TTN: variants seen among roughly 807,000 people sequenced by gnomAD.
TTN encodes connectin.
TTN carries 1,525 observed loss-of-function variants against 3,223.0 expected under a neutral mutation model. The observed-to-expected ratio is 0.47, with a 90% confidence interval of 0.45 to 0.49. The LOEUF is 0.49. TTN is among the 20% of genes least tolerant of loss of function. TTN has a pLI of 0.00. For missense variants in TTN, 40,786 were observed against 43,424.0 expected (o/e 0.94, Z 5.40); for synonymous variants, 14,094 against 15,161.0 (o/e 0.93, Z 5.17).
intron 68 of TTN, 85 bp downstream of exon 68, chr2:178,727,500 C>G: frequency 6.6e-7 from 1 of 1,507,636 alleles, no homozygotes. Context: ...ATACTACTTT[C>G]TTGATTGTTT....
intron 312 of TTN, 59 bp downstream of exon 312, chr2:178,583,547 GA>G: frequency 7.0e-7 from 1 of 1,422,886 alleles, no homozygotes. Flanking sequence ...TTTTTATTAG[GA>G]AAAATGACCA....
rs2742353 is a variant in TTN, at chr2:178,664,770, T to G, written c.36119-33A>C. On this transcript the variant is annotated intron_variant, in intron 166 of 362. Transcript: ENST00000589042. Reference sequence around the variant, plus strand: ...AAATTAGTAGTTTTATGTTTAGTGTTATGCAGATAACTAGGAATAGCAAAA... The same window carrying G: ...AAATTAGTAGTTTTATGTTTAGTGTGATGCAGATAACTAGGAATAGCAAAA... 0.026 allele frequency: 41,447 copies of G among 1,611,102 alleles called. 745 individuals carry two copies. Among genetic ancestry groups the G allele is most frequent in the East Asian group, 0.092 (4,127 of 44,822 alleles).
chr2:178,545,603 C>T lies in TTN; in HGVS notation c.95507G>A (p.Gly31836Asp). Residue 31836 changes from glycine to aspartate, a missense_variant, in exon 344 of 363, where the codon GGC (glycine) becomes GAC (aspartate). By Grantham distance (94) the Gly-to-Asp change is moderately conservative (BLOSUM62 -1). Coordinates refer to ENST00000589042, the MANE Select transcript of TTN (RefSeq NM_001267550.2). ...TACTAGGTAGTTGCTGATTTCATTG[C>T]CACCATCAGATTCAGGTTTTGTCCA... ...IQWTKPESDG[G>D]NEISNYLVDK... The T allele has an allele frequency of 6.2e-7, 1 of 1,613,754 alleles. No individual in the cohort carries two copies. The highest frequency in any genetic ancestry group is 1.1e-5 in the South Asian group (1 of 91,068).
At position 178,583,085 on chromosome 2, in the gene TTN, T is replaced by C. The variant is rs757700019; in HGVS notation, c.65718A>G (p.Pro21906=). 1.2e-6 allele frequency: 2 copies of C among 1,611,568 alleles called. No individual in the cohort carries two copies. Among genetic ancestry groups the C allele is most frequent in the Non-Finnish European group, 1.7e-6 (2 of 1,178,632 alleles). ...SWKKDGTLLK[P]AEGIKMAMQR... The stretch of plus-strand genomic sequence containing the variant: ...GCATGGCCATCTTTATGCCTTCTGC[T>C]GGTTTTAGCAGTGTGCCATCTTTTT... Residue 21906 remains proline, a synonymous_variant, in exon 313 of 363, where the codon CCA becomes CCG. Coordinates refer to ENST00000589042, the MANE Select transcript of TTN (RefSeq NM_001267550.2).
intron 47 of TTN, chr2:178,749,900 T>G (rs2084912666): frequency 6.2e-7 from 1 of 1,613,128 alleles, no homozygotes; most frequent in Non-Finnish European, 8.5e-7. Flanking sequence ...ACACCTGGCA[T>G]GCTTTGGCAT....
chr2:178,636,130 T>C lies in TTN; in HGVS notation c.41441A>G (p.Lys13814Arg). ...TTTCTCCACCACAATCTTGCCATCC[T>C]TCCTCCAGACCACGTCACGCTCTTT... ...LNKERDVVWR[K>R]DGKIVVEKPG... is the part of the protein sequence containing the mutation. Residue 13814 changes from lysine (K) to arginine (R), a missense_variant, in exon 226 of 363, where the codon AAG (lysine) becomes AGG (arginine). Physicochemically the swap from Lys to Arg is conservative, Grantham distance 26. Transcript: ENST00000589042. This position sits in a 1 kb window ranked among gnomAD's most constrained non-coding sequence, Gnocchi z 4.3. The C allele has an allele frequency of 6.2e-6, 10 of 1,613,172 alleles. No individual in the cohort carries two copies. The highest frequency in any genetic ancestry group is 7.6e-6 in the Non-Finnish European group (9 of 1,179,498).
At chr2:178,742,061 CA>C in intron 47 of TTN, 140 bp from the exon 48 acceptor site, 1 of 728,732 alleles carries the variant, frequency 1.4e-6, no homozygotes, top group Non-Finnish European at 1.9e-6. Context: ...ATTAATGTAT[CA>C]AAAAGCACAT....
chr2:178,539,598 C>T lies in TTN; in HGVS notation c.98467G>A (p.Asp32823Asn), dbSNP rs1365292715. 2 of 1,613,876 alleles carry T rather than the reference C, an allele frequency of 1.2e-6. No individual in the cohort carries two copies. The highest frequency in any genetic ancestry group is 2.2e-5 in the South Asian group (2 of 91,086). The change falls in exon 352 of 363, where the codon GAT becomes AAT. Residue 32823 changes from aspartate to asparagine, a missense_variant. Coordinates refer to ENST00000589042, the MANE Select transcript of TTN (RefSeq NM_001267550.2). ...TAGCCTAAGATGTCAGCACCACCAT[C>T]ATCAGCAGGAGGTCTCCAGCTGACC... ...VRVSWRPPAD[D>N]GGADILGYIL...
rs747384204 is a variant in TTN at position 178,548,686 on chromosome 2, G to T, written c.92940C>A (p.Thr30980=). ...TTCTGTTGCAGTTTTCCACAGTGAG[G>T]GTGCTGAAGGAATCTGTTGTATGGA... The part of the protein sequence containing the change: ...ADIHTTDSFS[T]LTVENCNRND... Residue 30980 remains threonine, a synonymous_variant, in exon 339 of 363, where the codon ACC becomes ACA. Coordinates refer to ENST00000589042, the MANE Select transcript of TTN (RefSeq NM_001267550.2). The surrounding 1 kb of genome is among the most constrained non-coding windows in gnomAD (Gnocchi z 4.3). 3 of 1,613,706 alleles carry T rather than the reference G, an allele frequency of 1.9e-6. No individual in the cohort carries two copies. Among genetic ancestry groups the T allele is most frequent in the African/African-American group, 1.3e-5 (1 of 74,908 alleles).
Position 178,549,712 on chromosome 2 carries a change from A to C in TTN, c.92010T>G (p.Ile30670Met). ...AACTTTGGGCTTCACATTTATCCTCAATTAGTGCCCAGGCAAGTCTGCTGG... is the reference window on the plus strand; with the variant it reads ...AACTTTGGGCTTCACATTTATCCTCCATTAGTGCCCAGGCAAGTCTGCTGG... Reference protein sequence around the residue: ...RETSRLAWALIEDKCEAQSYT... With the variant: ...RETSRLAWALMEDKCEAQSYT... The change falls in exon 338 of 363, where the codon ATT (isoleucine) becomes ATG (methionine). Residue 30670 changes from isoleucine (I) to methionine (M), a missense_variant. By Grantham distance (10) the Ile-to-Met change is conservative. Transcript: ENST00000589042. 5.6e-6 allele frequency: 9 copies of C among 1,613,662 alleles called. No homozygotes were observed. Among genetic ancestry groups the C allele is most frequent in the African/African-American group, 1.3e-5 (1 of 74,984 alleles).
chr2:178,530,832 C>G lies in TTN; in HGVS notation c.105783G>C (p.Pro35261=). Residue 35261 remains proline, a synonymous_variant, in exon 358 of 363, where the codon CCG becomes CCC. Coordinates refer to ENST00000589042, the MANE Select transcript of TTN (RefSeq NM_001267550.2). ...KRVKSPEPSH[P]KAVSPTETKP... is the part of the protein sequence containing the mutation. ...TTGTCTCTGTGGGTGATACGGCTTT[C>G]GGGTGAGAAGGTTCTGGAGATTTCA... 1 of 1,613,716 alleles carries G rather than the reference C, an allele frequency of 6.2e-7. No homozygotes were observed. Among genetic ancestry groups the G allele is most frequent in the Non-Finnish European group, 8.5e-7 (1 of 1,179,840 alleles).
rs2154298918 is a variant in TTN, at chr2:178,717,282, T to C, written c.25452A>G (p.Pro8484=). 5.0e-6 allele frequency: 8 copies of C among 1,613,714 alleles called. No homozygotes were observed. The highest frequency in any genetic ancestry group is 6.8e-6 in the Non-Finnish European group (8 of 1,179,692). ...TFKCHVTGTA[P]IKITWAKDNR... is the part of the protein sequence containing the mutation. ...TATCTTTGGCCCAAGTGATTTTGAT[T>C]GGTGCAGTCCCAGTTACATGACATT... Residue 8484 remains proline (P), a synonymous_variant, in exon 88 of 363, where the codon CCA becomes CCG. Coordinates refer to ENST00000589042, the MANE Select transcript of TTN (RefSeq NM_001267550.2).
chr2:178,722,506 G>A lies in TTN; in HGVS notation c.22281C>T (p.Asp7427=). ...LPPSFARQLK[D]IEQTVGLPVT... ...CAGGTAACCCCACAGTTTGTTCAAT[G>A]TCCTTTAATTGTCTTGCAAAAGAAG... Residue 7427 remains aspartate, a synonymous_variant, in exon 77 of 363, where the codon GAC becomes GAT. Coordinates refer to ENST00000589042, the MANE Select transcript of TTN (RefSeq NM_001267550.2). 1 of 1,613,218 alleles carries A rather than the reference G, an allele frequency of 6.2e-7. No individual in the cohort carries two copies. Among genetic ancestry groups the A allele is most frequent in the Non-Finnish European group, 8.5e-7 (1 of 1,179,478 alleles).
At position 178,715,132 on chromosome 2, in the gene TTN, C is replaced by G; in HGVS notation, c.26054G>C (p.Ser8685Thr). Residue 8685 changes from serine to threonine, a missense_variant, in exon 90 of 363, where the codon AGC becomes ACC. Transcript: ENST00000589042. ...AGACATTATCTTGTACTTCTTGCCG[C>G]TCCTAAGTTCTCTCTTGTCTTTATA... ...SWYKDKRELRSGKKYKIMSEN... is the reference protein window; with the variant it reads ...SWYKDKRELRTGKKYKIMSEN... The G allele has an allele frequency of 6.2e-7, 1 of 1,613,750 alleles. No homozygotes were observed. Among genetic ancestry groups the G allele is most frequent in the Non-Finnish European group, 8.5e-7 (1 of 1,179,718 alleles).
chr2:178,673,768 C>A, intron 151 of TTN, 58 bp from the exon 152 acceptor site: 1 of 1,137,040 alleles, frequency 8.8e-7, no homozygotes, highest in Admixed American at 2.4e-5. Flanking sequence ...AGAACACCAC[C>A]CATATACCAA....
intron 115 of TTN, 24 bp from the exon 116 acceptor site, chr2:178,694,930 C>T (rs2073329223): frequency 1.3e-6 from 2 of 1,492,682 alleles, no homozygotes; most frequent in Non-Finnish European, 1.8e-6. Flanking sequence ...AGAGAAATTG[C>T]AGTACTTTTA....
In TTN at chr2:178,593,760, T is replaced by G; in HGVS notation, c.58540A>C (p.Asn19514His). 1 of 1,613,296 alleles carries G rather than the reference T, an allele frequency of 6.2e-7. No homozygotes were observed. Among genetic ancestry groups the G allele is most frequent in the Non-Finnish European group, 8.5e-7 (1 of 1,179,622 alleles). Reference protein sequence around the residue: ...PLDDGGSKITNYIIEKKEVGK... With the variant: ...PLDDGGSKITHYIIEKKEVGK... ...ACTTCCTTCTTCTCAATAATATAATTGGTGATTTTACTGCCTCCATCATCT... is the reference window on the plus strand; with the variant it reads ...ACTTCCTTCTTCTCAATAATATAATGGGTGATTTTACTGCCTCCATCATCT... The change falls in exon 298 of 363, where the codon AAT (asparagine) becomes CAT (histidine). Residue 19514 changes from asparagine (N) to histidine (H), a missense_variant. Physicochemically the swap from Asn to His is moderately conservative, Grantham distance 68. Transcript: ENST00000589042.
chr2:178,651,638 T>C, intron 206 of TTN, 28 bp downstream of exon 206: 2 of 1,612,624 alleles, frequency 1.2e-6, no homozygotes, highest in Non-Finnish European at 1.7e-6. Flanking sequence ...AAGTTTTTTG[T>C]TAGGGAGTTA....
At chr2:178,765,367 G>A (rs1045057250) in intron 41 of TTN, among the ~76,000 whole-genome samples, 3 of 152,154 alleles carry the variant, frequency 2.0e-5, no homozygotes, top group African/African-American at 7.2e-5. Context: ...AACAAATTCA[G>A]CTTTCCTGTT....
Sources: gnomAD v4.1 joint callset for allele counts (sites outside exome capture counted in the v4.1 genomes callset) on GRCh38, gnomAD v4.1.1 for gene constraint, Gnocchi (gnomAD v3.1) non-coding constraint, MANE v1.5 for transcripts, NCBI Gene and HGNC (gene_info 2026-07-23, HGNC 2026-07-21) for gene names.